CDCP1: variants seen among roughly 807,000 people sequenced by gnomAD.
CDCP1 encodes the protein CUB domain containing protein 1.
CDCP1 carries 29 observed loss-of-function variants against 60.2 expected under a neutral mutation model. The ratio of observed to expected loss-of-function variants is 0.48; its 90% CI spans 0.36 to 0.66. CDCP1 has a LOEUF of 0.66. Ranked by LOEUF, CDCP1 falls within the 30% of genes least tolerant of loss-of-function variation. CDCP1 has a pLI of 0.00. For synonymous variants in CDCP1, 387 were observed against 431.1 expected (o/e 0.90, Z 1.27); for missense variants, 876 against 1,074.3 (o/e 0.82, Z 2.58).
chr3:45,135,521 T>C (rs760845674), intron 1 of CDCP1, among the ~76,000 whole-genome samples: 3 of 152,284 alleles, frequency 2.0e-5, no homozygotes, highest in Middle Eastern at 6.8e-3. Flanking sequence ...TTGTAGGTGA[T>C]CTCCAGTTAG....
At chr3:45,110,312 C>A in intron 4 of CDCP1, 161 bp downstream of exon 4, 3 of 1,442,502 alleles carry the variant, frequency 2.1e-6, no homozygotes, top group Non-Finnish European at 2.7e-6. Flanking sequence ...GCCTGTCTAA[C>A]TGCCTAGCAA....
At chr3:45,104,096 G>T (rs879338469) in intron 4 of CDCP1, among the ~76,000 whole-genome samples, 1 of 152,184 alleles carries the variant, frequency 6.6e-6, no homozygotes, top group African/African-American at 2.4e-5. Flanking sequence ...ATTCTAGTGG[G>T]TGTGAAACAC....
chr3:45,145,847 G>A (rs1699373892), intron 1 of CDCP1, among the ~76,000 whole-genome samples: 1 of 152,104 alleles, frequency 6.6e-6, no homozygotes, highest in Non-Finnish European at 1.5e-5. Context: ...CGCACGGCGC[G>A]CCACCTTGGA....
At chr3:45,111,804 C>T (rs188875328) in intron 3 of CDCP1, among the ~76,000 whole-genome samples, 115 of 152,300 alleles carry the variant, frequency 7.6e-4, no homozygotes, top group African/African-American at 2.7e-3. Context: ...AGAAATGAAG[C>T]AATCAAGGTG....
intron 1 of CDCP1, among the ~76,000 whole-genome samples, chr3:45,134,581 C>T (rs569111950): frequency 6.7e-6 from 1 of 149,772 alleles, no homozygotes; most frequent in African/African-American, 2.4e-5. Context: ...CAGGGATTAA[C>T]ACCATTTTTG....
rs2125987618 is a variant in CDCP1, at chr3:45,085,291, C to T, written c.*347G>A. The stretch of plus-strand genomic sequence containing the variant: ...GGCTCCTTGGAATTGGAACTGTTGT[C>T]CTGAAGAGGGCAAGCCTCTGTTTAA... On this transcript the variant is annotated 3_prime_UTR_variant, in exon 9 of 9. Coordinates refer to ENST00000296129, the MANE Select transcript of CDCP1 (RefSeq NM_022842.5). The surrounding 1 kb of genome is among the most constrained non-coding windows in gnomAD (Gnocchi z 4.2). 1 of 205,488 alleles carries T rather than the reference C, an allele frequency of 4.9e-6. No homozygotes were observed. The highest frequency in any genetic ancestry group is 5.3e-5 in the Admixed American group (1 of 18,866). 12.7% of individuals were successfully genotyped at this position (205,488 alleles called of 1,614,324 possible).
At chr3:45,119,084 CACAT>C (rs1698840717) in intron 1 of CDCP1, among the ~76,000 whole-genome samples, 1 of 152,186 alleles carries the variant, frequency 6.6e-6, no homozygotes, top group African/African-American at 2.4e-5. Context: ...AGCACATACA[CACAT>C]ACACACGTAC....
chr3:45,113,852 A>G (rs894041492), intron 2 of CDCP1, among the ~76,000 whole-genome samples: 1 of 152,226 alleles, frequency 6.6e-6, no homozygotes, highest in African/African-American at 2.4e-5. Context: ...CTATTTTAGG[A>G]GCTCATGGAA....
intron 1 of CDCP1, among the ~76,000 whole-genome samples, chr3:45,132,213 C>T (rs536321337): frequency 1.2e-4 from 17 of 146,382 alleles, no homozygotes; most frequent in African/African-American, 3.3e-4. Flanking sequence ...TACAGCCTGG[C>T]GACACAGTGA....
At chr3:45,112,038 T>C in intron 3 of CDCP1, 45 bp downstream of exon 3, 1 of 1,584,478 alleles carries the variant, frequency 6.3e-7, no homozygotes, top group Non-Finnish European at 8.6e-7. Flanking sequence ...AATGATGATC[T>C]TGTGTGTTTT....
rs1699115477 is a variant in CDCP1 at position 45,132,403 on chromosome 3, G to C, written c.83-13782C>G. The stretch of plus-strand genomic sequence containing the variant: ...TCATCCCTCAAAGGATAACACTAGA[G>C]ACGGGGTGGGGTGGTAGTAGGGAAA... On this transcript the variant is annotated intron_variant, in intron 1 of 8. Coordinates refer to ENST00000296129, the MANE Select transcript of CDCP1 (RefSeq NM_022842.5). 2.0e-5 allele frequency among the ~76,000 whole-genome samples: 3 copies of C among 152,124 alleles called. No homozygotes were observed. The South Asian group carries it at 6.2e-4, about 32-fold the overall frequency.
At chr3:45,087,071 A>G (rs1032755363) in intron 8 of CDCP1, among the ~76,000 whole-genome samples, 1 of 152,102 alleles carries the variant, frequency 6.6e-6, no homozygotes, top group Non-Finnish European at 1.5e-5. Flanking sequence ...GTTTGTCCCC[A>G]CTAAAGCTCT....
At chr3:45,109,662 A>C (rs1391556443) in intron 4 of CDCP1, among the ~76,000 whole-genome samples, 4 of 152,100 alleles carry the variant, frequency 2.6e-5, no homozygotes, top group East Asian at 3.9e-4. Context: ...GAGGCAAGCC[A>C]GGCACCTAGG....
chr3:45,101,061 A>T (rs1489447998), intron 4 of CDCP1, among the ~76,000 whole-genome samples: 1 of 152,222 alleles, frequency 6.6e-6, no homozygotes, highest in African/African-American at 2.4e-5. Context: ...ATCCAAGTTG[A>T]AGAAGCCTCT....
chr3:45,118,316 C>T (rs553759991), intron 2 of CDCP1, 96 bp downstream of exon 2: 34 of 926,302 alleles, frequency 3.7e-5, no homozygotes, highest in Non-Finnish European at 5.7e-5. Context: ...TCTTAGCTCT[C>T]TAGCATTAGA....
At chr3:45,146,176 C>G (rs374057836) in intron 1 of CDCP1, 30 bp downstream of exon 1, 2 of 1,561,006 alleles carry the variant, frequency 1.3e-6, no homozygotes, top group Admixed American at 1.9e-5. Context: ...CACCACTCCA[C>G]GCCATCCGCC....
At chr3:45,112,532 A>G in intron 2 of CDCP1, 87 bp from the exon 3 acceptor site, 2 of 1,534,882 alleles carry the variant, frequency 1.3e-6, no homozygotes, top group Non-Finnish European at 1.8e-6. Flanking sequence ...CCCCTGTAGT[A>G]GACTCTTTGG....
intron 1 of CDCP1, chr3:45,139,734 A>C (rs1357476706): frequency 1.3e-5 from 2 of 152,494 alleles, no homozygotes; most frequent in East Asian, 3.9e-4. Flanking sequence ...GTCCCTGGGC[A>C]GACTCCAGCA....
At chr3:45,123,409 G>C (rs962364780) in intron 1 of CDCP1, among the ~76,000 whole-genome samples, 1 of 152,148 alleles carries the variant, frequency 6.6e-6, no homozygotes, top group African/African-American at 2.4e-5. Context: ...CTAAGCTAAA[G>C]ACACATGATA....
Sources: gnomAD v4.1 joint callset for allele counts (sites outside exome capture counted in the v4.1 genomes callset) on GRCh38, gnomAD v4.1.1 for gene constraint, Gnocchi (gnomAD v3.1) non-coding constraint, MANE v1.5 for transcripts, NCBI Gene and HGNC (gene_info 2026-07-23, HGNC 2026-07-21) for gene names.